Variants in THSD8 observed in about 807,000 individuals in gnomAD.
The protein encoded by THSD8 is thrombospondin type 1 domain containing 8, also known as thrombospondin type-1 domain-containing protein 8.
intron 1 of THSD8, 141 bp from the exon 2 acceptor site, chr19:12,803,962 AG>A: frequency 5.2e-6 from 1 of 192,980 alleles, no homozygotes; most frequent in Non-Finnish European, 1.0e-5. Context: ...AATCTGTGGC[AG>A]GGTGTCTGGC....
intron 1 of THSD8, among the ~76,000 whole-genome samples, chr19:12,803,034 G>C (rs1410793598): frequency 2.0e-5 from 3 of 152,090 alleles, no homozygotes; most frequent in African/African-American, 7.2e-5. Context: ...AGGAATTCAA[G>C]ACCAGCCTGG....
intron 1 of THSD8, 83 bp downstream of exon 1, chr19:12,802,302 C>T (rs1968918118): frequency 2.0e-5 from 8 of 397,494 alleles, no homozygotes; most frequent in East Asian, 3.6e-5. Flanking sequence ...GGACCTTCCT[C>T]GGCGGGCTGC....
chr19:12,802,295 C>T, intron 1 of THSD8, 76 bp downstream of exon 1: 2 of 397,828 alleles, frequency 5.0e-6, no homozygotes, highest in Non-Finnish European at 4.4e-6. Context: ...TGCAAAGGGA[C>T]CTTCCTCGGC....
intron 1 of THSD8, among the ~76,000 whole-genome samples, 168 bp from the exon 2 acceptor site, chr19:12,803,936 A>AAAAAG (rs1968942901): frequency 2.6e-5 from 4 of 151,120 alleles, no homozygotes; most frequent in African/African-American, 9.7e-5. Flanking sequence ...AAAAAAAAAA[A>AAAAAG]AAGCTTAAAT....
At chr19:12,803,290 A>G (rs1218794987) in intron 1 of THSD8, among the ~76,000 whole-genome samples, 3 of 152,180 alleles carry the variant, frequency 2.0e-5, no homozygotes, top group Non-Finnish European at 4.4e-5. Flanking sequence ...CAAACTGATC[A>G]TAATAAATTG....
rs1409138750 is a variant in THSD8 at position 12,803,779 on chromosome 19, G to A, written c.149-325G>A. ...TACAAAAAATTAGCCAGGCACAGTG[G>A]CATGTGCCTGTAGTCCCAGCTACTT... is the stretch of plus-strand genomic sequence containing the variant. On this transcript the variant is annotated intron_variant, in intron 1 of 1. Transcript: ENST00000639810. Among the ~76,000 whole-genome samples the A allele has an allele frequency of 4.6e-5, 7 of 151,902 alleles. No homozygotes were observed. In the East Asian group the frequency reaches 1.4e-3, roughly 29 times the overall value.
Position 12,804,214 on chromosome 19 carries a change from A to G in THSD8, c.259A>G (p.Met87Val), listed in dbSNP as rs1395586932. Residue 87 changes from methionine (M) to valine (V), a missense_variant, in exon 2 of 2, where the codon ATG (methionine) becomes GTG (valine). Coordinates refer to ENST00000639810, the MANE Select transcript of THSD8 (RefSeq NM_001386800.1). ...VVGTAPGPVF[M>V]DPEKLIQLRP... ...GGGCACAGCGCCGGGCCCGGTTTTCATGGACCCGGAGAAGCTGATCCAGTT... is the reference window on the plus strand; with the variant it reads ...GGGCACAGCGCCGGGCCCGGTTTTCGTGGACCCGGAGAAGCTGATCCAGTT... 5 of 397,982 alleles carry G rather than the reference A, an allele frequency of 1.3e-5. No homozygotes were observed. The Admixed American group carries it at 1.8e-4, about 14-fold the overall frequency. The allele number at this position is 397,982 out of a possible 1,614,324, so 24.7% of individuals were successfully genotyped here. A position where few individuals can be genotyped will look rare whatever the true frequency, so the allele number is the denominator to read the frequency against.
In THSD8 at chr19:12,804,251, G is replaced by A. The variant is rs1449775778; in HGVS notation, c.296G>A (p.Arg99Gln). The A allele has an allele frequency of 1.8e-5, 7 of 398,644 alleles. No homozygotes were observed. Among genetic ancestry groups the A allele is most frequent in the Admixed American group, 8.8e-5 (2 of 22,732 alleles). The allele number at this position is 398,644 out of a possible 1,614,324, so 24.7% of individuals were successfully genotyped here. The change falls in exon 2 of 2, where the codon CGG (arginine) becomes CAG (glutamine). Residue 99 changes from arginine to glutamine, a missense_variant. Arg to Gln is a conservative substitution (Grantham distance 43). Coordinates refer to ENST00000639810, the MANE Select transcript of THSD8 (RefSeq NM_001386800.1). ...AAGCTGATCCAGTTACGGCCCTGCC[G>A]GCAACGGGATTGTCCATCCTGCAAG... The part of the protein sequence containing the change: ...PEKLIQLRPC[R>Q]QRDCPSCKPF...
chr19:12,803,547 G>T (rs1274201649), intron 1 of THSD8, among the ~76,000 whole-genome samples: 2 of 152,014 alleles, frequency 1.3e-5, no homozygotes, highest in Non-Finnish European at 2.9e-5. Context: ...CACTTACCCC[G>T]TATATGAGCT....
Position 12,804,295 on chromosome 19 carries a change from A to C in THSD8, c.340A>C (p.Arg114=). 5.0e-6 allele frequency: 2 copies of C among 398,542 alleles called. No individual in the cohort carries two copies. Among genetic ancestry groups the C allele is most frequent in the Non-Finnish European group, 4.4e-6 (1 of 226,080 alleles). 24.7% of individuals were successfully genotyped at this position (398,542 alleles called of 1,614,324 possible). A position where few individuals can be genotyped will look rare whatever the true frequency, so the allele number is the denominator to read the frequency against. ...CTGCAAGCCCTTCGACTGCGACTGGAGGCTCTGAGCCCGGGTGAGAGAGCA... is the reference window on the plus strand; with the variant it reads ...CTGCAAGCCCTTCGACTGCGACTGGCGGCTCTGAGCCCGGGTGAGAGAGCA... ...PSCKPFDCDW[R]L is the part of the protein sequence containing the mutation. Residue 114 remains arginine, a synonymous_variant, in exon 2 of 2, where the codon AGG becomes CGG. Coordinates refer to ENST00000639810, the MANE Select transcript of THSD8 (RefSeq NM_001386800.1).
chr19:12,802,081 A>T lies in THSD8; in HGVS notation c.10A>T (p.Thr4Ser), dbSNP rs1304971897. 1 of 398,226 alleles carries T rather than the reference A, an allele frequency of 2.5e-6. No individual in the cohort carries two copies. Among genetic ancestry groups the T allele is most frequent in the Non-Finnish European group, 4.4e-6 (1 of 225,968 alleles). 24.7% of individuals were successfully genotyped at this position (398,226 alleles called of 1,614,324 possible). Residue 4 changes from threonine (T) to serine (S), a missense_variant, in exon 1 of 2, where the codon ACC (threonine) becomes TCC (serine). Transcript: ENST00000639810. MAR[T>S]PGALLLAPLL... ...GCCGTTGGAGTCCAGCATGGCGCGG[A>T]CCCCGGGGGCGCTGCTGCTGGCGCC...
chr19:12,802,747 T>G (rs1034865268), intron 1 of THSD8, among the ~76,000 whole-genome samples: 2 of 151,956 alleles, frequency 1.3e-5, no homozygotes, highest in Admixed American at 6.6e-5. Context: ...AGCGGTGAGT[T>G]GGGATAAGAT....
chr19:12,804,298 C>T lies in THSD8; in HGVS notation c.343C>T (p.Leu115Phe). ...SCKPFDCDWRL is the reference protein window; with the variant it reads ...SCKPFDCDWRF ...CAAGCCCTTCGACTGCGACTGGAGG[C>T]TCTGAGCCCGGGTGAGAGAGCAGGG... Residue 115 changes from leucine (L) to phenylalanine (F), a missense_variant, in exon 2 of 2, where the codon CTC becomes TTC. Transcript: ENST00000639810. 2.5e-6 allele frequency: 1 copy of T among 398,644 alleles called. No individual in the cohort carries two copies. Among genetic ancestry groups the T allele is most frequent in the East Asian group, 3.6e-5 (1 of 28,074 alleles). 24.7% of individuals were successfully genotyped at this position (398,644 alleles called of 1,614,324 possible).
chr19:12,803,691 A>C (rs1968937683), intron 1 of THSD8, among the ~76,000 whole-genome samples: 1 of 151,954 alleles, frequency 6.6e-6, no homozygotes, highest in South Asian at 2.1e-4. Context: ...TGGGAGTATC[A>C]CTTGAGCCCA....
chr19:12,802,583 A>C (rs1445414511), intron 1 of THSD8, among the ~76,000 whole-genome samples: 1 of 152,184 alleles, frequency 6.6e-6, no homozygotes, highest in Non-Finnish European at 1.5e-5. Flanking sequence ...ACGACAAGCG[A>C]AAGTCCCATA....
intron 1 of THSD8, among the ~76,000 whole-genome samples, chr19:12,803,835 C>T (rs1330742801): frequency 1.4e-5 from 2 of 144,608 alleles, no homozygotes; most frequent in Non-Finnish European, 3.0e-5. Flanking sequence ...TTGCTTGAGC[C>T]CAGGAGGTTG....
At chr19:12,802,487 G>A (rs1259529661) in intron 1 of THSD8, among the ~76,000 whole-genome samples, 1 of 152,328 alleles carries the variant, frequency 6.6e-6, no homozygotes, top group South Asian at 2.1e-4. Flanking sequence ...GCCAGGAAGG[G>A]CAGAGACAGA....
intron 1 of THSD8, 150 bp from the exon 2 acceptor site, chr19:12,803,954 T>A (rs1968943530): frequency 3.4e-4 from 51 of 149,618 alleles, no homozygotes; most frequent in East Asian, 1.0e-3. Context: ...AATGAGATAA[T>A]CTGTGGCAGG....
rs569863437 is a variant in THSD8, at chr19:12,802,134, T to A, written c.63T>A (p.Pro21=). 2.5e-5 allele frequency: 10 copies of A among 398,584 alleles called. No homozygotes were observed. Among genetic ancestry groups the A allele is most frequent in the African/African-American group, 1.0e-4 (5 of 48,656 alleles). 24.7% of individuals were successfully genotyped at this position (398,584 alleles called of 1,614,324 possible). A position where few individuals can be genotyped will look rare whatever the true frequency, so the allele number is the denominator to read the frequency against. The change falls in exon 1 of 2, where the codon CCT becomes CCA. Residue 21 remains proline (P), a synonymous_variant. Coordinates refer to ENST00000639810, the MANE Select transcript of THSD8 (RefSeq NM_001386800.1). The part of the protein sequence containing the change: ...APLLLLQLAT[P]ALVYQDYQYL... ...TGCTACTCCTGCAGCTGGCGACCCC[T>A]GCCCTGGTCTACCAGGACTATCAGT...
Sources: gnomAD v4.1 joint callset for allele counts (sites outside exome capture counted in the v4.1 genomes callset) on GRCh38, gnomAD v4.1.1 for gene constraint, MANE v1.5 for transcripts, NCBI Gene and HGNC (gene_info 2026-07-23, HGNC 2026-07-21) for gene names.